CEP162: variants seen among roughly 807,000 people sequenced by gnomAD.
The protein encoded by CEP162 is centrosomal protein of 162 kDa.
Under a neutral mutation model 169.2 loss-of-function variants are expected in CEP162, and 141 were observed. The ratio of observed to expected loss-of-function variants is 0.83; its 90% CI spans 0.73 to 0.96. The LOEUF (loss-of-function observed/expected upper bound fraction) is 0.96. Ranked by LOEUF, CEP162 falls within the 40% of genes least tolerant of loss-of-function variation. CEP162 has a pLI of 0.00. For synonymous variants in CEP162, 540 were observed against 526.4 expected, an observed-to-expected ratio of 1.03 and a Z score of -0.35; for missense variants, 1,600 against 1,587.2, an observed-to-expected ratio of 1.01 and a Z score of -0.14.
chr6:84,227,200 C>T (rs1255439727), intron 1 of CEP162, among the ~76,000 whole-genome samples: 1 of 152,156 alleles, frequency 6.6e-6, no homozygotes, highest in Non-Finnish European at 1.5e-5. Flanking sequence ...TAGAGCAGCT[C>T]AAATCCCAGC....
In CEP162 at chr6:84,156,031, A is replaced by ACAT. The variant is rs575056233; in HGVS notation, c.2782-524_2782-522dup. ...CAGCACAGTACTGATAAAAATAGAC[A>ACAT]CATAGATCAATGGAACAGAATAGAG... is the stretch of plus-strand genomic sequence containing the variant. On this transcript the variant is annotated intron_variant, in intron 21 of 26. Coordinates refer to ENST00000403245, the MANE Select transcript of CEP162 (RefSeq NM_014895.4). Among the ~76,000 whole-genome samples, 693 of 152,296 alleles carry ACAT rather than the reference A, an allele frequency of 4.6e-3. 7 individuals are homozygous for ACAT. Among genetic ancestry groups the ACAT allele is most frequent in the African/African-American group, 0.016 (661 of 41,580 alleles).
intron 5 of CEP162, among the ~76,000 whole-genome samples, chr6:84,213,738 T>C (rs2127748063): frequency 6.6e-6 from 1 of 152,264 alleles, no homozygotes; most frequent in African/African-American, 2.4e-5. Context: ...TAGATAAGAA[T>C]ACTGTTAAGA....
intron 25 of CEP162, among the ~76,000 whole-genome samples, chr6:84,130,698 G>A (rs2099510977): frequency 6.6e-6 from 1 of 152,072 alleles, no homozygotes; most frequent in Non-Finnish European, 1.5e-5. Flanking sequence ...GGGATCGGTG[G>A]TGATATCCCC....
At chr6:84,179,801 T>C (rs1386872692) in intron 13 of CEP162, among the ~76,000 whole-genome samples, 9 of 152,104 alleles carry the variant, frequency 5.9e-5, no homozygotes. Flanking sequence ...AGGAAGAACT[T>C]GAATCCCTGA....
intron 18 of CEP162, 55 bp from the exon 19 acceptor site, chr6:84,163,325 G>T (rs1405659066): frequency 3.8e-6 from 5 of 1,314,110 alleles, no homozygotes; most frequent in Non-Finnish European, 5.4e-6. Flanking sequence ...AATAAATTGT[G>T]GTATAGTCTT....
intron 25 of CEP162, among the ~76,000 whole-genome samples, chr6:84,134,898 C>T (rs2099513265): frequency 6.8e-6 from 1 of 146,800 alleles, no homozygotes; most frequent in Non-Finnish European, 1.5e-5. Context: ...AAGATATATA[C>T]TGTCATGAAA....
chr6:84,170,444 T>A (rs1393598670), intron 17 of CEP162, among the ~76,000 whole-genome samples: 2 of 144,246 alleles, frequency 1.4e-5, no homozygotes, highest in Non-Finnish European at 3.0e-5. Context: ...GTGCAGATTA[T>A]CACACATGGC....
chr6:84,213,067 C>T lies in CEP162; in HGVS notation c.504-43G>A, dbSNP rs745538208. Reference sequence around the variant, plus strand: ...TTAATTTAGCATTACATGTTAAAAACATATTCTCATGCAACTCTTTCTGTA... The same window carrying T: ...TTAATTTAGCATTACATGTTAAAAATATATTCTCATGCAACTCTTTCTGTA... On this transcript the variant is annotated intron_variant, in intron 5 of 26. Coordinates refer to ENST00000403245, the MANE Select transcript of CEP162 (RefSeq NM_014895.4). 1.9e-5 allele frequency: 22 copies of T among 1,168,814 alleles called. No homozygotes were observed. The South Asian group carries it at 3.2e-4, about 17-fold the overall frequency. The allele number at this position is 1,168,814 out of a possible 1,614,324, so 72.4% of individuals were successfully genotyped here. A position where few individuals can be genotyped will look rare whatever the true frequency, so the allele number is the denominator to read the frequency against.
chr6:84,150,152 T>A (rs1227328524), intron 23 of CEP162, among the ~76,000 whole-genome samples: 1 of 152,156 alleles, frequency 6.6e-6, no homozygotes, highest in Non-Finnish European at 1.5e-5. Context: ...CAGGGCTAGT[T>A]GCATATTGTG....
At chr6:84,149,523 T>C in intron 24 of CEP162, 39 bp downstream of exon 24, 1 of 1,484,110 alleles carries the variant, frequency 6.7e-7, no homozygotes, top group Non-Finnish European at 9.0e-7. Flanking sequence ...TCAAAACGAG[T>C]TTATTCAAGT....
In CEP162 at chr6:84,186,228, T is replaced by A. The variant is rs187773638; in HGVS notation, c.1401+104A>T. 43 of 650,596 alleles carry A rather than the reference T, an allele frequency of 6.6e-5. No individual in the cohort carries two copies. In the Admixed American group the frequency reaches 1.1e-3, roughly 16 times the overall value. 40.3% of individuals were successfully genotyped at this position (650,596 alleles called of 1,614,324 possible). A position where few individuals can be genotyped will look rare whatever the true frequency, so the allele number is the denominator to read the frequency against. On this transcript the variant is annotated intron_variant, in intron 12 of 26. Transcript: ENST00000403245. ...ATCTACTGTGGAGGTTAGTATATAA[T>A]CAATCCCACTAGTTTAAAAAGCACA...
At chr6:84,144,171 C>T (rs529442989) in intron 25 of CEP162, among the ~76,000 whole-genome samples, 1 of 152,072 alleles carries the variant, frequency 6.6e-6, no homozygotes, top group South Asian at 2.1e-4. Flanking sequence ...GTTCTTTCTC[C>T]TTTTACAAAT....
Position 84,124,675 on chromosome 6 carries a change from C to T in CEP162, c.*395G>A, listed in dbSNP as rs1206169334. 4.1e-6 allele frequency: 1 copy of T among 243,806 alleles called. No homozygotes were observed. The highest frequency in any genetic ancestry group is 7.8e-6 in the Non-Finnish European group (1 of 127,868). The allele number at this position is 243,806 out of a possible 1,614,324, so 15.1% of individuals were successfully genotyped here. A position where few individuals can be genotyped will look rare whatever the true frequency, so the allele number is the denominator to read the frequency against. ...GGTACACTAGAAGCCCAATTCCCAC[C>T]ATTATTCAATACACCCATGTTACAA... On this transcript the variant is annotated 3_prime_UTR_variant, in exon 27 of 27. Coordinates refer to ENST00000403245, the MANE Select transcript of CEP162 (RefSeq NM_014895.4).
At chr6:84,156,773 A>ACACACAC (rs57139625) in intron 21 of CEP162, among the ~76,000 whole-genome samples, 1,867 of 137,398 alleles carry the variant, frequency 0.014, 50 homozygotes, top group African/African-American at 0.05. Context: ...CACACACACA[A>ACACACAC]ACACACTATT....
At chr6:84,210,257 T>C (rs2099548910) in intron 6 of CEP162, among the ~76,000 whole-genome samples, 1 of 152,230 alleles carries the variant, frequency 6.6e-6, no homozygotes, top group African/African-American at 2.4e-5. Context: ...ACCATATGAA[T>C]TGTAAAAGAA....
intron 6 of CEP162, among the ~76,000 whole-genome samples, chr6:84,207,820 T>C (rs903625695): frequency 5.9e-5 from 9 of 152,328 alleles, no homozygotes; most frequent in Admixed American, 5.2e-4. Context: ...CTCTGAGTTT[T>C]ATATTTTTAG....
intron 6 of CEP162, among the ~76,000 whole-genome samples, chr6:84,205,599 C>A (rs202101973): frequency 8.5e-5 from 13 of 152,198 alleles, no homozygotes; most frequent in East Asian, 5.8e-4. Context: ...TATGACAAAC[C>A]CACAGCCAAT....
rs931686633 is a variant in CEP162 at position 84,124,424 on chromosome 6, C to T, written c.*646G>A. On this transcript the variant is annotated 3_prime_UTR_variant, in exon 27 of 27. Coordinates refer to ENST00000403245, the MANE Select transcript of CEP162 (RefSeq NM_014895.4). ...AAGAATGAAATCATGTCATTTGCAG[C>T]AACATGGATAGAGCTGGAGGCCATT... 1 of 152,118 alleles carries T rather than the reference C, an allele frequency of 6.6e-6. No homozygotes were observed. Among genetic ancestry groups the T allele is most frequent in the African/African-American group, 2.4e-5 (1 of 41,410 alleles). 9.4% of individuals were successfully genotyped at this position (152,118 alleles called of 1,614,324 possible). A position where few individuals can be genotyped will look rare whatever the true frequency, so the allele number is the denominator to read the frequency against.
intron 21 of CEP162, among the ~76,000 whole-genome samples, chr6:84,158,404 T>C (rs555590230): frequency 1.3e-5 from 2 of 152,286 alleles, no homozygotes; most frequent in Non-Finnish European, 2.9e-5. Flanking sequence ...GTGCCCAGCA[T>C]ATAGTGAGGG....
Sources: allele counts gnomAD v4.1 joint callset (sites outside exome capture counted in the v4.1 genomes callset), GRCh38; gene constraint gnomAD v4.1.1; transcripts MANE v1.5; gene names NCBI Gene and HGNC (gene_info 2026-07-23, HGNC 2026-07-21).